CARNMT1: variants seen among roughly 807,000 people sequenced by gnomAD.
CARNMT1 encodes the protein carnosine N-methyltransferase 1.
CARNMT1 carries 28 observed loss-of-function variants against 49.6 expected under a neutral mutation model. That is an observed-to-expected ratio of 0.56 (90% confidence interval 0.42 to 0.77). The LOEUF (loss-of-function observed/expected upper bound fraction) is 0.77, where lower values mean the gene tolerates loss of function less well. Ranked by LOEUF, CARNMT1 falls within the 30% of genes least tolerant of loss-of-function variation. The pLI, the probability that CARNMT1 is intolerant of heterozygous loss-of-function variation, is 0.00. For missense variants in CARNMT1, 421 were observed against 512.6 expected (o/e 0.82, Z 1.73); for synonymous variants, 178 against 175.0 (o/e 1.02, Z -0.13).
At chr9:74,991,131 C>T (rs957053655) in intron 6 of CARNMT1, 22 of 151,868 alleles carry the variant, frequency 1.4e-4, no homozygotes, top group African/African-American at 5.1e-4. Context: ...GAATTCAAAC[C>T]TTGGTAAGTT....
chr9:74,991,636 G>A (rs1245180442), intron 6 of CARNMT1: 11 of 151,960 alleles, frequency 7.2e-5, no homozygotes, highest in Admixed American at 7.2e-4. Flanking sequence ...TAAACTTATG[G>A]TCTCTCACCT....
At chr9:75,009,730 G>T (rs1005753039) in intron 3 of CARNMT1, 1 of 151,802 alleles carries the variant, frequency 6.6e-6, no homozygotes, top group Admixed American at 6.6e-5. Flanking sequence ...AAGGAGAAAT[G>T]ATTTTTTTCT....
intron 3 of CARNMT1, among the ~76,000 whole-genome samples, chr9:75,004,761 T>C (rs908106738): frequency 6.6e-6 from 1 of 152,182 alleles, no homozygotes; most frequent in Non-Finnish European, 1.5e-5. Flanking sequence ...AAAAAACGAA[T>C]TCAACCAGTC....
chr9:74,998,793 T>G lies in CARNMT1; in HGVS notation c.732-17A>C. 6.9e-7 allele frequency: 1 copy of G among 1,449,454 alleles called. No individual in the cohort carries two copies. The highest frequency in any genetic ancestry group is 1.4e-5 in the South Asian group (1 of 69,394). 89.8% of individuals were successfully genotyped at this position (1,449,454 alleles called of 1,614,324 possible). On this transcript the variant is annotated splice_polypyrimidine_tract_variant and intron_variant, in intron 4 of 7. Transcript: ENST00000376834. Reference sequence around the variant, plus strand: ...TCAGAACATCTGCAAAATATGAGTATAAAATCAGGTGTTAACTAAATATTT... The same window carrying G: ...TCAGAACATCTGCAAAATATGAGTAGAAAATCAGGTGTTAACTAAATATTT...
At chr9:75,025,878 T>C (rs970494532) in intron 1 of CARNMT1, among the ~76,000 whole-genome samples, 10 of 152,202 alleles carry the variant, frequency 6.6e-5, no homozygotes, top group South Asian at 2.1e-4. Flanking sequence ...GCACCTGAAA[T>C]ATGGGTAGTG....
chr9:74,985,623 A>G (rs1015663337), intron 6 of CARNMT1, among the ~76,000 whole-genome samples: 2 of 152,168 alleles, frequency 1.3e-5, no homozygotes, highest in South Asian at 2.1e-4. Flanking sequence ...TTGCCCAGGA[A>G]GGGTGGGGTG....
At chr9:74,991,439 C>G (rs1438519556) in intron 6 of CARNMT1, among the ~76,000 whole-genome samples, 1 of 152,130 alleles carries the variant, frequency 6.6e-6, no homozygotes, top group Non-Finnish European at 1.5e-5. Context: ...CATGCCCGGC[C>G]AAACCTTGGT....
At chr9:74,988,326 A>T (rs901416454) in intron 6 of CARNMT1, among the ~76,000 whole-genome samples, 1 of 152,224 alleles carries the variant, frequency 6.6e-6, no homozygotes, top group African/African-American at 2.4e-5. Flanking sequence ...GCATTAAAAA[A>T]TTAAAAAATC....
chr9:75,005,058 AAAAATTTTTTT>A (rs767113924), intron 3 of CARNMT1, among the ~76,000 whole-genome samples: 11 of 152,210 alleles, frequency 7.2e-5, no homozygotes, highest in Non-Finnish European at 1.6e-4. Flanking sequence ...ATTCACTTGG[AAAAATTTTTTT>A]TTAAATTTCA....
intron 2 of CARNMT1, 27 bp from the exon 3 acceptor site, chr9:75,016,458 C>T (rs1202143888): frequency 6.2e-7 from 1 of 1,609,458 alleles, no homozygotes; most frequent in African/African-American, 1.3e-5. Context: ...CATCAATTAG[C>T]TTCTGAGAGA....
intron 1 of CARNMT1, chr9:75,027,360 T>G (rs945993918): frequency 1.1e-6 from 1 of 936,230 alleles, no homozygotes. Flanking sequence ...CAGCTCTTAT[T>G]GTGACTTCTC....
intron 3 of CARNMT1, among the ~76,000 whole-genome samples, chr9:75,006,248 C>T (rs188416621): frequency 1.1e-4 from 17 of 152,108 alleles, no homozygotes; most frequent in Admixed American, 1.1e-3. Flanking sequence ...GACGGGGCCT[C>T]ACCATGTTGG....
chr9:75,028,391 C>T (rs1822596676), upstream of CARNMT1: 2 of 1,293,726 alleles, frequency 1.5e-6, no homozygotes, highest in African/African-American at 3.1e-5. Flanking sequence ...AGGCCTCCAT[C>T]CGCGCTGGGC....
At position 75,028,292 on chromosome 9, in the gene CARNMT1, G is replaced by A; in HGVS notation, c.-51C>T. 1.5e-6 allele frequency: 2 copies of A among 1,336,642 alleles called. No individual in the cohort carries two copies. The highest frequency in any genetic ancestry group is 2.8e-4 in the Middle Eastern group (1 of 3,550). 82.8% of individuals were successfully genotyped at this position (1,336,642 alleles called of 1,614,324 possible). A position where few individuals can be genotyped will look rare whatever the true frequency, so the allele number is the denominator to read the frequency against. On this transcript the variant is annotated 5_prime_UTR_variant, in exon 1 of 8. Transcript: ENST00000376834. ...CGCTTGCGTCTCTCCGCGACCGACAGCGTGGTGGCGGCTGCTTGGCCTTCC... is the reference window on the plus strand; with the variant it reads ...CGCTTGCGTCTCTCCGCGACCGACAACGTGGTGGCGGCTGCTTGGCCTTCC...
intron 1 of CARNMT1, among the ~76,000 whole-genome samples, chr9:75,021,976 T>C (rs1468401135): frequency 6.6e-6 from 1 of 152,020 alleles, no homozygotes; most frequent in Admixed American, 6.6e-5. Context: ...TCTAGCATCT[T>C]ACTTTTTTTA....
At chr9:74,985,469 AACATT>A (rs1269707502) in intron 6 of CARNMT1, among the ~76,000 whole-genome samples, 14 of 152,238 alleles carry the variant, frequency 9.2e-5, no homozygotes, top group African/African-American at 3.1e-4. Flanking sequence ...AGGAAGAAGT[AACATT>A]AGAGCTGGCT....
At chr9:74,993,459 A>C (rs1342915356) in intron 6 of CARNMT1, among the ~76,000 whole-genome samples, 1 of 152,186 alleles carries the variant, frequency 6.6e-6, no homozygotes, top group Admixed American at 6.5e-5. Context: ...AGGGAGTCTT[A>C]CAGGAACAGA....
intron 7 of CARNMT1, 76 bp from the exon 8 acceptor site, chr9:74,983,944 T>C: frequency 1.1e-6 from 1 of 907,494 alleles, no homozygotes; most frequent in Non-Finnish European, 1.6e-6. Context: ...AGCACATATG[T>C]ATCAGTGGCA....
rs565450817 is a variant in CARNMT1, at chr9:75,008,437, T to C, written c.590+7831A>G. 8.5e-5 allele frequency among the ~76,000 whole-genome samples: 13 copies of C among 152,298 alleles called. No homozygotes were observed. In the South Asian group the frequency reaches 2.7e-3, roughly 32 times the overall value. ...ACCTCTGCCTCCTGAGTTCAAGCAA[T>C]TCTCCTGCCTCAGCCTTCCAAGTAG... On this transcript the variant is annotated intron_variant, in intron 3 of 7. Coordinates refer to ENST00000376834, the MANE Select transcript of CARNMT1 (RefSeq NM_152420.3).
Sources: gnomAD v4.1 joint callset for allele counts (sites outside exome capture counted in the v4.1 genomes callset) on GRCh38, gnomAD v4.1.1 for gene constraint, MANE v1.5 for transcripts, NCBI Gene and HGNC (gene_info 2026-07-23, HGNC 2026-07-21) for gene names.